Variants in EXT1 observed in about 807,000 individuals in gnomAD.
The protein encoded by EXT1 is exostosin glycosyltransferase 1.
EXT1 carries 20 observed loss-of-function variants against 82.5 expected under a neutral mutation model. The ratio of observed to expected loss-of-function variants is 0.24; its 90% CI spans 0.17 to 0.35. The LOEUF is 0.35. Ranked by LOEUF, EXT1 falls within the 10% of genes least tolerant of loss-of-function variation. EXT1 has a pLI of 1.00. For missense variants in EXT1, 757 were observed against 936.5 expected, an observed-to-expected ratio of 0.81 and a Z score of 2.50; for synonymous variants, 348 against 350.8, an observed-to-expected ratio of 0.99 and a Z score of 0.09.
chr8:117,961,853 T>C (rs1250715732), intron 1 of EXT1, among the ~76,000 whole-genome samples: 1 of 152,170 alleles, frequency 6.6e-6, no homozygotes, highest in African/African-American at 2.4e-5. Context: ...ACTCCTTTCA[T>C]GGTCGCCTTG....
chr8:118,054,861 G>T (rs1340221730), intron 1 of EXT1, among the ~76,000 whole-genome samples: 3 of 152,004 alleles, frequency 2.0e-5, no homozygotes, highest in Non-Finnish European at 4.4e-5. Flanking sequence ...TTCCGAGGCC[G>T]CTCTGAGAGT....
rs149383350 is a variant in EXT1 at position 117,827,121 on chromosome 8, G to C, written c.1284+3109C>G. Among the ~76,000 whole-genome samples the C allele has an allele frequency of 3.2e-3, 481 of 152,266 alleles. 1 individual carries two copies. The highest frequency in any genetic ancestry group is 0.011 in the African/African-American group (463 of 41,564). On this transcript the variant is annotated intron_variant, in intron 4 of 10. Transcript: ENST00000378204. The stretch of plus-strand genomic sequence containing the variant: ...GCACAGCAAAAGAGAGTCACGCCCA[G>C]ACAGCTTGTGAGATTCTAGGTGGAT...
At chr8:118,108,866 AT>A (rs1411815541) in intron 1 of EXT1, among the ~76,000 whole-genome samples, 1 of 152,196 alleles carries the variant, frequency 6.6e-6, no homozygotes, top group Non-Finnish European at 1.5e-5. Flanking sequence ...TCTGCATTTC[AT>A]GAATCAATTG....
intron 1 of EXT1, among the ~76,000 whole-genome samples, chr8:117,841,998 G>A (rs1812282264): frequency 6.6e-6 from 1 of 152,162 alleles, no homozygotes; most frequent in African/African-American, 2.4e-5. Context: ...TGGTAGAAAT[G>A]CAAATTCTCA....
intron 1 of EXT1, among the ~76,000 whole-genome samples, chr8:118,039,396 C>A (rs970073111): frequency 1.3e-5 from 2 of 151,804 alleles, no homozygotes; most frequent in Non-Finnish European, 2.9e-5. Flanking sequence ...CCCGTCTCTA[C>A]TAAAAATACA....
chr8:118,106,002 A>G (rs1817798061), intron 1 of EXT1, among the ~76,000 whole-genome samples: 1 of 152,218 alleles, frequency 6.6e-6, no homozygotes, highest in South Asian at 2.1e-4. Context: ...GAAAGGTTCA[A>G]AAAACTCCTA....
At chr8:117,916,530 G>T (rs1813757711) in intron 1 of EXT1, among the ~76,000 whole-genome samples, 1 of 152,166 alleles carries the variant, frequency 6.6e-6, no homozygotes, top group Non-Finnish European at 1.5e-5. Flanking sequence ...TAATGAGAAA[G>T]AATAATAGAA....
intron 1 of EXT1, among the ~76,000 whole-genome samples, chr8:117,869,071 C>T (rs116371763): frequency 0.028 from 4,267 of 152,220 alleles, 224 homozygotes; most frequent in African/African-American, 0.097. Flanking sequence ...TTCTGCCTGG[C>T]GGGCTGGACT....
intron 1 of EXT1, among the ~76,000 whole-genome samples, chr8:118,044,082 G>A (rs536354518): frequency 2.6e-5 from 4 of 152,162 alleles, no homozygotes; most frequent in South Asian, 4.2e-4. Context: ...TAAGATAATC[G>A]CAGTTAAACA....
At chr8:118,038,767 A>G (rs548246006) in intron 1 of EXT1, among the ~76,000 whole-genome samples, 1 of 152,330 alleles carries the variant, frequency 6.6e-6, no homozygotes, top group South Asian at 2.1e-4. Context: ...TAAACTCTTC[A>G]TTAAACTACA....
At chr8:117,832,371 A>AAAATT (rs772800765) in intron 3 of EXT1, among the ~76,000 whole-genome samples, 5 of 152,176 alleles carry the variant, frequency 3.3e-5, no homozygotes, top group Non-Finnish European at 7.4e-5. Context: ...TAAAAATACA[A>AAAATT]AAATTAGCTG....
intron 1 of EXT1, among the ~76,000 whole-genome samples, chr8:117,883,648 A>G (rs1339395358): frequency 2.0e-5 from 3 of 152,140 alleles, no homozygotes; most frequent in Admixed American, 2.0e-4. Flanking sequence ...AAACAGACAA[A>G]CCCAAACTAG....
At chr8:117,805,408 C>CAT (rs1823222939) in intron 9 of EXT1, among the ~76,000 whole-genome samples, 1 of 152,158 alleles carries the variant, frequency 6.6e-6, no homozygotes, top group African/African-American at 2.4e-5. Flanking sequence ...CCCTATAAAC[C>CAT]ATATATATTT....
At chr8:117,860,146 C>CAAAAAAAAAAAAAAAAA (rs34399339) in intron 1 of EXT1, among the ~76,000 whole-genome samples, 2 of 76,894 alleles carry the variant, frequency 2.6e-5, no homozygotes, top group African/African-American at 5.6e-5. Flanking sequence ...GATTCTATCT[C>CAAAAAAAAAAAAAAAAA]AAAAAAAAAA....
At chr8:117,805,044 C>T in intron 9 of EXT1, 151 bp from the exon 10 acceptor site, 1 of 734,348 alleles carries the variant, frequency 1.4e-6, no homozygotes, top group Non-Finnish European at 2.3e-6. Context: ...ATAACTATCA[C>T]TTCTATGGTA....
At chr8:118,006,376 AC>A (rs1563627358) in intron 1 of EXT1, among the ~76,000 whole-genome samples, 2 of 152,296 alleles carry the variant, frequency 1.3e-5, no homozygotes, top group Non-Finnish European at 2.9e-5. Flanking sequence ...GTTTTTGAGT[AC>A]CACTAAAGGA....
At chr8:117,808,423 A>AAT (rs1330066399) in intron 8 of EXT1, among the ~76,000 whole-genome samples, 1 of 152,226 alleles carries the variant, frequency 6.6e-6, no homozygotes, top group Non-Finnish European at 1.5e-5. Context: ...TTGCTGAGCT[A>AAT]ATAAGTGGCA....
At chr8:118,013,352 G>A (rs759063279) in intron 1 of EXT1, among the ~76,000 whole-genome samples, 2 of 152,112 alleles carry the variant, frequency 1.3e-5, no homozygotes, top group African/African-American at 4.8e-5. Context: ...GAGATTACAG[G>A]AGCCCGTCAC....
chr8:117,935,065 T>C (rs1814133439), intron 1 of EXT1, among the ~76,000 whole-genome samples: 1 of 152,140 alleles, frequency 6.6e-6, no homozygotes, highest in Non-Finnish European at 1.5e-5. Context: ...TACTAAACTC[T>C]CTTGGCCTCA....
Sources: gnomAD v4.1 joint callset for allele counts (sites outside exome capture counted in the v4.1 genomes callset) on GRCh38, gnomAD v4.1.1 for gene constraint, MANE v1.5 for transcripts, NCBI Gene and HGNC (gene_info 2026-07-23, HGNC 2026-07-21) for gene names.